ST6GALNAC5: variants seen among roughly 807,000 people sequenced by gnomAD.
ST6GALNAC5 encodes the protein alpha-N-acetylgalactosaminide alpha-2,6-sialyltransferase 5.
In ST6GALNAC5, 27 loss-of-function variants were observed where a neutral mutation model predicts 33.6. The ratio of observed to expected loss-of-function variants is 0.80; its 90% CI spans 0.59 to 1.11. The LOEUF (loss-of-function observed/expected upper bound fraction) is 1.11. ST6GALNAC5 is among the 50% of genes least tolerant of loss of function. The probability of loss-of-function intolerance (pLI) is 0.00; values close to 1 mark genes in which losing one functional copy is unlikely to be tolerated. For synonymous variants in ST6GALNAC5, 194 were observed against 171.2 expected, an observed-to-expected ratio of 1.13 and a Z score of -1.04; for missense variants, 428 against 454.0, an observed-to-expected ratio of 0.94 and a Z score of 0.52.
chr1:76,999,909 G>C (rs1650080604), intron 2 of ST6GALNAC5, among the ~76,000 whole-genome samples: 1 of 128,304 alleles, frequency 7.8e-6, no homozygotes, highest in Admixed American at 8.0e-5. Flanking sequence ...ATTTGGGTTG[G>C]TTCCAAGTCT....
At chr1:76,936,072 G>A (rs1027282335) in intron 2 of ST6GALNAC5, among the ~76,000 whole-genome samples, 5 of 151,994 alleles carry the variant, frequency 3.3e-5, no homozygotes, top group Non-Finnish European at 5.9e-5. Context: ...TAGTGTAGTG[G>A]AAAGATTATC....
intron 2 of ST6GALNAC5, among the ~76,000 whole-genome samples, chr1:76,916,162 C>T (rs1376259289): frequency 1.3e-5 from 2 of 152,060 alleles, no homozygotes; most frequent in Non-Finnish European, 2.9e-5. Context: ...TCCTGTACCT[C>T]GGTTCTCTTA....
At chr1:76,907,016 T>C (rs778590618) in intron 2 of ST6GALNAC5, among the ~76,000 whole-genome samples, 4 of 152,114 alleles carry the variant, frequency 2.6e-5, no homozygotes, top group Non-Finnish European at 5.9e-5. Context: ...AGGCCACTTC[T>C]GGTAAATTTC....
intron 4 of ST6GALNAC5, among the ~76,000 whole-genome samples, chr1:77,052,948 AG>A (rs1248904837): frequency 3.3e-5 from 5 of 150,178 alleles, no homozygotes; most frequent in East Asian, 2.0e-4. Context: ...AACAATTTTA[AG>A]GGGGGCTTCA....
rs759907555 is a variant in ST6GALNAC5 at position 77,063,137 on chromosome 1, CT to C, written c.948del (p.Gln317AsnfsTer11). On this transcript the variant is annotated frameshift_variant, in exon 5 of 5. Transcript: ENST00000477717. LOFTEE classifies it high-confidence loss of function. ...ACTGGGCACGGACATTCAATATTCA[CT>C]TTTTTCAACCAGACTGGAAACCAGA... ...KNWARTFNIH[F>X]FQPDWKPESL... The C allele has an allele frequency of 6.2e-7, 1 of 1,613,738 alleles. No homozygotes were observed. The highest frequency in any genetic ancestry group is 1.1e-5 in the South Asian group (1 of 91,054).
chr1:76,960,936 C>G (rs745349334), intron 2 of ST6GALNAC5, among the ~76,000 whole-genome samples: 2 of 151,978 alleles, frequency 1.3e-5, no homozygotes, highest in African/African-American at 4.8e-5. Context: ...GGTCCTGAGG[C>G]GACATACATC....
chr1:76,938,354 G>T (rs761057718), intron 2 of ST6GALNAC5, among the ~76,000 whole-genome samples: 7 of 152,080 alleles, frequency 4.6e-5, no homozygotes, highest in Non-Finnish European at 8.8e-5. Flanking sequence ...GAGACATGCT[G>T]AAAGAGTTTT....
intron 2 of ST6GALNAC5, among the ~76,000 whole-genome samples, chr1:76,889,858 A>G (rs1462195713): frequency 6.6e-6 from 1 of 152,024 alleles, no homozygotes. Context: ...TTTTCTAATC[A>G]TCCTGGTCTT....
intron 2 of ST6GALNAC5, among the ~76,000 whole-genome samples, chr1:76,932,208 G>A (rs1424775601): frequency 1.3e-5 from 2 of 152,118 alleles, no homozygotes; most frequent in African/African-American, 2.4e-5. Context: ...GCCTTGACAA[G>A]TTACCAGAAG....
intron 2 of ST6GALNAC5, among the ~76,000 whole-genome samples, chr1:76,899,762 T>C (rs894460884): frequency 2.0e-5 from 3 of 152,018 alleles, no homozygotes; most frequent in East Asian, 3.9e-4. Context: ...GGCGCCAAGA[T>C]TGAAAGAAGA....
chr1:77,055,167 C>T (rs1053583053), intron 4 of ST6GALNAC5, among the ~76,000 whole-genome samples: 2 of 152,078 alleles, frequency 1.3e-5, no homozygotes, highest in Admixed American at 6.6e-5. Flanking sequence ...AGAGTTCATA[C>T]TCCCTAGCTT....
At chr1:76,969,731 G>T (rs764995569) in intron 2 of ST6GALNAC5, among the ~76,000 whole-genome samples, 5 of 152,168 alleles carry the variant, frequency 3.3e-5, no homozygotes. Flanking sequence ...CCTCAAGTGG[G>T]TCCCTGACCC....
intron 2 of ST6GALNAC5, among the ~76,000 whole-genome samples, chr1:77,037,787 G>A (rs1651700773): frequency 6.6e-6 from 1 of 152,154 alleles, no homozygotes; most frequent in Non-Finnish European, 1.5e-5. Context: ...GGGCTTAGAT[G>A]AAGATGGTGG....
chr1:77,031,223 GC>G (rs1465734461), intron 2 of ST6GALNAC5, among the ~76,000 whole-genome samples: 3 of 152,174 alleles, frequency 2.0e-5, no homozygotes, highest in African/African-American at 7.2e-5. Context: ...CTACCCTCAT[GC>G]TTTATTTATT....
chr1:77,024,074 C>T (rs1651148310), intron 2 of ST6GALNAC5, among the ~76,000 whole-genome samples: 1 of 152,208 alleles, frequency 6.6e-6, no homozygotes, highest in Non-Finnish European at 1.5e-5. Context: ...GAAAGGGCTG[C>T]TTGGTCAGTG....
intron 2 of ST6GALNAC5, among the ~76,000 whole-genome samples, chr1:76,938,106 A>G (rs1203324225): frequency 6.6e-6 from 1 of 152,046 alleles, no homozygotes; most frequent in Non-Finnish European, 1.5e-5. Context: ...ATAATTTCAG[A>G]GTAGAGTTGT....
chr1:76,925,957 A>C (rs949686584), intron 2 of ST6GALNAC5, among the ~76,000 whole-genome samples: 1 of 152,178 alleles, frequency 6.6e-6, no homozygotes, highest in African/African-American at 2.4e-5. Flanking sequence ...TAGGTACCAC[A>C]TGCAGATTTG....
At chr1:76,991,622 AC>A (rs1649733286) in intron 2 of ST6GALNAC5, among the ~76,000 whole-genome samples, 1 of 152,078 alleles carries the variant, frequency 6.6e-6, no homozygotes, top group Non-Finnish European at 1.5e-5. Flanking sequence ...TAGACAGGTA[AC>A]TTTTTCTATT....
At chr1:76,965,679 G>T (rs1045125570) in intron 2 of ST6GALNAC5, among the ~76,000 whole-genome samples, 5 of 152,232 alleles carry the variant, frequency 3.3e-5, no homozygotes, top group African/African-American at 9.6e-5. Flanking sequence ...TGAAGTCCTT[G>T]CCCATGCCTA....
Sources: allele counts gnomAD v4.1 joint callset (sites outside exome capture counted in the v4.1 genomes callset), GRCh38; gene constraint gnomAD v4.1.1; transcripts MANE v1.5; gene names NCBI Gene and HGNC (gene_info 2026-07-23, HGNC 2026-07-21).